The following OR2L5 variants were observed in gnomAD, a reference collection of about 807,000 sequenced individuals.
OR2L5 encodes the protein olfactory receptor family 2 subfamily L member 5.
For synonymous variants in OR2L5, 169 were observed against 142.0 expected (o/e 1.19, Z -1.35); for missense variants, 413 against 381.6 (o/e 1.08, Z -0.69).
chr1:248,020,731 G>C lies in OR2L5; in HGVS notation c.-21-1196G>C, dbSNP rs188217185. On this transcript the variant is annotated intron_variant, in intron 1 of 1. Coordinates refer to ENST00000355281, the MANE Select transcript of OR2L5 (RefSeq NM_001258284.2). Reference sequence around the variant, plus strand: ...ATAGAAGAACCAAATAATGATGTCTGACTTAGAGAAAGTTTGACTTGGAAT... The same window carrying C: ...ATAGAAGAACCAAATAATGATGTCTCACTTAGAGAAAGTTTGACTTGGAAT... Among the ~76,000 whole-genome samples, 406 of 152,018 alleles carry C rather than the reference G, an allele frequency of 2.7e-3. 4 individuals are homozygous for C. Among genetic ancestry groups the C allele is most frequent in the African/African-American group, 9.3e-3 (388 of 41,504 alleles).
chr1:248,017,645 A>AG (rs1662230921), intron 1 of OR2L5, among the ~76,000 whole-genome samples: 1 of 152,024 alleles, frequency 6.6e-6, no homozygotes, highest in South Asian at 2.1e-4. Context: ...AATGACATGC[A>AG]GGGGGTGAGG....
chr1:248,014,605 A>G (rs914491127), intron 1 of OR2L5, among the ~76,000 whole-genome samples: 5 of 152,150 alleles, frequency 3.3e-5, no homozygotes, highest in Non-Finnish European at 7.4e-5. Flanking sequence ...TGTGAAGGCT[A>G]TATTACTCTA....
chr1:248,022,594 C>G lies in OR2L5; in HGVS notation c.647C>G (p.Ser216Cys). 1 of 1,614,158 alleles carries G rather than the reference C, an allele frequency of 6.2e-7. No individual in the cohort carries two copies. The highest frequency in any genetic ancestry group is 8.5e-7 in the Non-Finnish European group (1 of 1,180,022). ...LVFPFTGIACSYGWVLLAVYR... is the reference protein window; with the variant it reads ...LVFPFTGIACCYGWVLLAVYR... Reference sequence around the variant, plus strand: ...TTTCCCTTCACTGGCATTGCGTGTTCCTATGGCTGGGTTCTCCTTGCTGTC... The same window carrying G: ...TTTCCCTTCACTGGCATTGCGTGTTGCTATGGCTGGGTTCTCCTTGCTGTC... The change falls in exon 2 of 2, where the codon TCC becomes TGC. Residue 216 changes from serine to cysteine, a missense_variant. Ser to Cys is a moderately radical substitution (Grantham distance 112). Coordinates refer to ENST00000355281, the MANE Select transcript of OR2L5 (RefSeq NM_001258284.2).
intron 1 of OR2L5, among the ~76,000 whole-genome samples, chr1:248,021,583 A>G (rs1662336400): frequency 6.6e-6 from 1 of 152,214 alleles, no homozygotes; most frequent in South Asian, 2.1e-4. Context: ...TTCATCATGT[A>G]GACATTTTGT....
chr1:248,019,575 A>G (rs1662287412), intron 1 of OR2L5, among the ~76,000 whole-genome samples: 2 of 152,308 alleles, frequency 1.3e-5, no homozygotes, highest in East Asian at 3.9e-4. Context: ...CCAATTTCAT[A>G]TTTTGAATGT....
At chr1:248,019,704 T>G (rs1428198635) in intron 1 of OR2L5, among the ~76,000 whole-genome samples, 3 of 152,102 alleles carry the variant, frequency 2.0e-5, no homozygotes, top group Non-Finnish European at 4.4e-5. Flanking sequence ...TTCCTGACTC[T>G]ATTTTCCTCC....
Position 248,023,037 on chromosome 1 carries a change from C to A in OR2L5, c.*151C>A. 1 of 689,684 alleles carries A rather than the reference C, an allele frequency of 1.4e-6. No individual in the cohort carries two copies. The highest frequency in any genetic ancestry group is 2.3e-6 in the Non-Finnish European group (1 of 430,764). 42.7% of individuals were successfully genotyped at this position (689,684 alleles called of 1,614,324 possible). On this transcript the variant is annotated 3_prime_UTR_variant, in exon 2 of 2. Coordinates refer to ENST00000355281, the MANE Select transcript of OR2L5 (RefSeq NM_001258284.2). ...TAATTTAGTCTTGACATTATAGTTGCATATTCTAAGACATCTATTTTGTTT... is the reference window on the plus strand; with the variant it reads ...TAATTTAGTCTTGACATTATAGTTGAATATTCTAAGACATCTATTTTGTTT...
In OR2L5 at chr1:248,023,674, A is replaced by G. The variant is rs527534112; in HGVS notation, c.*788A>G. The G allele has an allele frequency of 6.6e-6, 1 of 152,322 alleles. No homozygotes were observed. Among genetic ancestry groups the G allele is most frequent in the African/African-American group, 2.4e-5 (1 of 41,566 alleles). 9.4% of individuals were successfully genotyped at this position (152,322 alleles called of 1,614,324 possible). A position where few individuals can be genotyped will look rare whatever the true frequency, so the allele number is the denominator to read the frequency against. ...TCAACTCCTCTGCTCCACTATTTTTATACCTGCTTAGGCCTGTGCCTAGAA... is the reference window on the plus strand; with the variant it reads ...TCAACTCCTCTGCTCCACTATTTTTGTACCTGCTTAGGCCTGTGCCTAGAA... On this transcript the variant is annotated 3_prime_UTR_variant, in exon 2 of 2. Coordinates refer to ENST00000355281, the MANE Select transcript of OR2L5 (RefSeq NM_001258284.2).
chr1:248,021,850 A>G (rs1051965707), intron 1 of OR2L5, 77 bp from the exon 2 acceptor site: 80 of 875,356 alleles, frequency 9.1e-5, no homozygotes, highest in Non-Finnish European at 1.3e-4. Flanking sequence ...TCAGGCATTC[A>G]CTGGAGGCCT....
At chr1:248,017,438 G>C (rs371430008) in intron 1 of OR2L5, among the ~76,000 whole-genome samples, 2 of 152,168 alleles carry the variant, frequency 1.3e-5, no homozygotes, top group African/African-American at 4.8e-5. Context: ...TGGTGTTCAA[G>C]AGATATCGTA....
chr1:248,019,811 C>A (rs946759541), intron 1 of OR2L5, among the ~76,000 whole-genome samples: 1 of 151,694 alleles, frequency 6.6e-6, no homozygotes, highest in South Asian at 2.1e-4. Flanking sequence ...GTTTGAGACA[C>A]GGTCTCACTC....
rs1404383294 is a variant in OR2L5 at position 248,022,274 on chromosome 1, A to G, written c.327A>G (p.Ala109=). The G allele has an allele frequency of 2.5e-6, 4 of 1,614,042 alleles. No homozygotes were observed. Among genetic ancestry groups the G allele is most frequent in the East Asian group, 2.2e-5 (1 of 44,900 alleles). Residue 109 remains alanine (A), a synonymous_variant, in exon 2 of 2, where the codon GCA becomes GCG. Transcript: ENST00000355281. ...TCTTCTTCATGACTTTTGCAGGTGC[A>G]GAAGCGCTGCTCCTGACATCAATGG... The part of the protein sequence containing the change: ...QSFFFMTFAG[A]EALLLTSMAY...
chr1:248,023,371 A>G lies in OR2L5; in HGVS notation c.*485A>G, dbSNP rs577762141. The G allele has an allele frequency of 1.3e-5, 2 of 152,548 alleles. No individual in the cohort carries two copies. The highest frequency in any genetic ancestry group is 4.1e-4 in the South Asian group (2 of 4,838). The allele number at this position is 152,548 out of a possible 1,614,324, so 9.4% of individuals were successfully genotyped here. ...TAAATTTACCTCAGGATAAATAAGT[A>G]TGTCTGGGGTGAAGCCAATTTGCCT... On this transcript the variant is annotated 3_prime_UTR_variant, in exon 2 of 2. Coordinates refer to ENST00000355281, the MANE Select transcript of OR2L5 (RefSeq NM_001258284.2).
At position 248,022,904 on chromosome 1, in the gene OR2L5, G is replaced by C. The variant is rs747194460; in HGVS notation, c.*18G>C. ...AAATGTAGACATACGTTCTGTGTTA[G>C]AGTCAAAGCGCTAGGTTCATATCAA... On this transcript the variant is annotated 3_prime_UTR_variant, in exon 2 of 2. Coordinates refer to ENST00000355281, the MANE Select transcript of OR2L5 (RefSeq NM_001258284.2). The C allele has an allele frequency of 2.5e-6, 4 of 1,581,400 alleles. No homozygotes were observed. Among genetic ancestry groups the C allele is most frequent in the South Asian group, 2.3e-5 (2 of 85,700 alleles).
chr1:248,018,916 G>A (rs1662271811), intron 1 of OR2L5, among the ~76,000 whole-genome samples: 1 of 152,098 alleles, frequency 6.6e-6, no homozygotes. Context: ...CCTCTTTGTG[G>A]CTTATTTCAC....
At chr1:248,017,143 G>T (rs1228350605) in intron 1 of OR2L5, among the ~76,000 whole-genome samples, 2 of 152,008 alleles carry the variant, frequency 1.3e-5, no homozygotes, top group African/African-American at 4.8e-5. Context: ...TGATGCCCAG[G>T]TATATACATT....
intron 1 of OR2L5, 145 bp from the exon 2 acceptor site, chr1:248,021,779 TATA>T (rs1662340514): frequency 2.0e-6 from 1 of 499,886 alleles, no homozygotes; most frequent in Non-Finnish European, 3.5e-6. Context: ...AATTAAAATT[TATA>T]ATACATATTG....
intron 1 of OR2L5, 70 bp from the exon 2 acceptor site, chr1:248,021,857 G>T: frequency 1.1e-6 from 1 of 950,032 alleles, no homozygotes; most frequent in Non-Finnish European, 1.6e-6. Context: ...TTCACTGGAG[G>T]CCTTGGAATG....
chr1:248,022,610 C>T lies in OR2L5; in HGVS notation c.663C>T (p.Leu221=). 2.5e-6 allele frequency: 4 copies of T among 1,614,130 alleles called. No individual in the cohort carries two copies. The highest frequency in any genetic ancestry group is 3.4e-6 in the Non-Finnish European group (4 of 1,180,020). The change falls in exon 2 of 2, where the codon CTC becomes CTT. Residue 221 remains leucine, a synonymous_variant. Coordinates refer to ENST00000355281, the MANE Select transcript of OR2L5 (RefSeq NM_001258284.2). ...TGIACSYGWV[L]LAVYRMHSAE... The stretch of plus-strand genomic sequence containing the variant: ...TTGCGTGTTCCTATGGCTGGGTTCT[C>T]CTTGCTGTCTACCGCATGCACTCTG...
Sources: allele counts gnomAD v4.1 joint callset (sites outside exome capture counted in the v4.1 genomes callset), GRCh38; gene constraint gnomAD v4.1.1; transcripts MANE v1.5; gene names NCBI Gene and HGNC (gene_info 2026-07-23, HGNC 2026-07-21).